EGFL6: variants seen among roughly 807,000 people sequenced by gnomAD.
EGFL6 encodes the protein EGF like domain multiple 6, also known as epidermal growth factor-like protein 6.
Under a neutral mutation model 43.1 loss-of-function variants are expected in EGFL6, and 42 were observed. The ratio of observed to expected loss-of-function variants is 0.98; its 90% confidence interval spans 0.76 to 1.26. The LOEUF is 1.26. Ranked by LOEUF, EGFL6 falls within the 50% of genes most tolerant of loss-of-function variation. The pLI is 0.00. For synonymous variants in EGFL6, 164 were observed against 163.2 expected (o/e 1.01, Z -0.04); for missense variants, 429 against 427.8 (o/e 1.00, Z -0.02).
At chrX:13,588,041 C>T (rs888986612) in intron 1 of EGFL6, among the ~76,000 whole-genome samples, 1 of 112,092 alleles carries the variant, frequency 8.9e-6, no homozygotes, top group Non-Finnish European at 1.9e-5. Context: ...CTCCCAACAA[C>T]AAACAATGAT....
At chrX:13,620,227 C>T (rs929391676) in intron 9 of EGFL6, among the ~76,000 whole-genome samples, 1 of 111,699 alleles carries the variant, frequency 9.0e-6, no homozygotes, top group Non-Finnish European at 1.9e-5. Flanking sequence ...TGACAAATTA[C>T]ACAGACCTCA....
intron 1 of EGFL6, among the ~76,000 whole-genome samples, chrX:13,570,148 G>C (rs753823067): frequency 2.3e-4 from 26 of 111,919 alleles, no homozygotes; most frequent in South Asian, 1.9e-3. Context: ...CACCTAGTTA[G>C]CTCCTTTTGC....
In EGFL6 at chrX:13,629,360, A is replaced by G. The variant is rs778257380; in HGVS notation, c.1551+2084A>G. ...CATGTTGACTGAATTCATGTGATGG[A>G]GAATATTTTTAATATAACATGGTAG... On this transcript the variant is annotated intron_variant, in intron 11 of 11. Coordinates refer to ENST00000361306, the MANE Select transcript of EGFL6 (RefSeq NM_015507.4). Among the ~76,000 whole-genome samples the G allele has an allele frequency of 9.8e-5, 11 of 111,962 alleles. No homozygotes were observed. The South Asian group carries it at 4.1e-3, about 42-fold the overall frequency.
rs1168555135 is a variant in EGFL6 at position 13,569,892 on chromosome X, C to T, written c.31C>T (p.Leu11=). 1.6e-6 allele frequency: 2 copies of T among 1,212,259 alleles called. No homozygotes were observed. Among genetic ancestry groups the T allele is most frequent in the South Asian group, 3.5e-5 (2 of 57,040 alleles). MPLPWSLALP[L]LLSWVAGGFG... ...TCTGCCCTGGAGCCTTGCGCTCCCG[C>T]TGCTGCTCTCCTGGGTGGCAGGTGG... Residue 11 remains leucine, a synonymous_variant, in exon 1 of 12, where the codon CTG becomes TTG. Transcript: ENST00000361306.
At chrX:13,608,555 C>T (rs909057761) in intron 7 of EGFL6, 109 bp downstream of exon 7, 2 of 925,530 alleles carry the variant, frequency 2.2e-6, no homozygotes, top group Middle Eastern at 2.8e-4. Context: ...CGCCTTCTCC[C>T]TCTCCCTTAC....
intron 5 of EGFL6, among the ~76,000 whole-genome samples, chrX:13,605,695 A>T (rs1253688318): frequency 8.9e-6 from 1 of 112,401 alleles, no homozygotes; most frequent in Non-Finnish European, 1.9e-5. Flanking sequence ...TCTGAAAGTT[A>T]AACCAAGCCT....
In EGFL6 at chrX:13,611,939, C is replaced by G. The variant is rs573512933; in HGVS notation, c.778+3493C>G. Among the ~76,000 whole-genome samples, 99 of 112,153 alleles carry G rather than the reference C, an allele frequency of 8.8e-4. 2 individuals carry two copies. The South Asian group carries it at 0.036, about 41-fold the overall frequency. ...ACCCTTTTCATTTTGCTTTAATTCTCTAATTCTCCATAAAATAAACAGCCA... is the reference window on the plus strand; with the variant it reads ...ACCCTTTTCATTTTGCTTTAATTCTGTAATTCTCCATAAAATAAACAGCCA... On this transcript the variant is annotated intron_variant, in intron 7 of 11. Coordinates refer to ENST00000361306, the MANE Select transcript of EGFL6 (RefSeq NM_015507.4).
intron 9 of EGFL6, among the ~76,000 whole-genome samples, chrX:13,620,490 C>T (rs1007698244): frequency 4.5e-5 from 5 of 110,326 alleles, no homozygotes; most frequent in Admixed American, 9.7e-5. Context: ...AGTTCTATCA[C>T]TTTGGTTTAC....
In EGFL6 at chrX:13,606,514, G is replaced by T. The variant is rs1213230867; in HGVS notation, c.655+1G>T. The T allele has an allele frequency of 8.3e-7, 1 of 1,207,087 alleles. No individual in the cohort carries two copies. The highest frequency in any genetic ancestry group is 1.7e-5 in the African/African-American group (1 of 57,214). ...ATCAGTGGACGATATGACTGTATAG[G>T]TAAGATTCGATGGCACCTTTTCCTT... On this transcript the variant is annotated splice_donor_variant, in intron 6 of 11. Transcript: ENST00000361306. LOFTEE classifies it high-confidence loss of function.
chrX:13,586,460 G>C (rs1416315269), intron 1 of EGFL6, among the ~76,000 whole-genome samples: 1 of 111,626 alleles, frequency 9.0e-6, no homozygotes, highest in Non-Finnish European at 1.9e-5. Context: ...CTGAAGGCTG[G>C]AATTCCAAGA....
intron 1 of EGFL6, among the ~76,000 whole-genome samples, chrX:13,576,179 T>C (rs1292596075): frequency 8.9e-6 from 1 of 112,278 alleles, no homozygotes; most frequent in Non-Finnish European, 1.9e-5. Flanking sequence ...GGCTTCTGCC[T>C]CTGGTGAGGC....
chrX:13,627,918 T>TA (rs1351806997), intron 11 of EGFL6, among the ~76,000 whole-genome samples: 1 of 112,043 alleles, frequency 8.9e-6, no homozygotes, highest in Non-Finnish European at 1.9e-5. Context: ...TGATGACACT[T>TA]ACAAAGTATT....
intron 1 of EGFL6, among the ~76,000 whole-genome samples, chrX:13,588,992 C>T (rs754737511): frequency 1.1e-4 from 12 of 112,041 alleles, no homozygotes; most frequent in Non-Finnish European, 2.3e-4. Flanking sequence ...TGGGAACGAG[C>T]CCTGGGCTAG....
At chrX:13,621,957 A>G (rs1231521012) in intron 9 of EGFL6, among the ~76,000 whole-genome samples, 1 of 112,218 alleles carries the variant, frequency 8.9e-6, no homozygotes, top group Non-Finnish European at 1.9e-5. Context: ...CATCATCCCA[A>G]TTTACACACT....
At chrX:13,604,325 A>G (rs892191438) in intron 5 of EGFL6, among the ~76,000 whole-genome samples, 5 of 111,562 alleles carry the variant, frequency 4.5e-5, no homozygotes, top group Non-Finnish European at 9.4e-5. Context: ...TCTGATGAGC[A>G]GGTTAAATGA....
At chrX:13,593,856 G>T (rs1436293867) in intron 2 of EGFL6, among the ~76,000 whole-genome samples, 1 of 111,182 alleles carries the variant, frequency 9.0e-6, no homozygotes, top group Non-Finnish European at 1.9e-5. Flanking sequence ...AGGGAAAGAT[G>T]CTGGTATCTT....
intron 1 of EGFL6, 109 bp from the exon 2 acceptor site, chrX:13,589,447 C>A: frequency 1.6e-6 from 1 of 607,330 alleles, no homozygotes; most frequent in Non-Finnish European, 2.4e-6. Context: ...ACTGCGGGTT[C>A]GTTGAAATTA....
chrX:13,594,865 G>A lies in EGFL6; in HGVS notation c.217G>A (p.Glu73Lys). The change falls in exon 3 of 12, where the codon GAG becomes AAG. Residue 73 changes from glutamate (E) to lysine (K), a missense_variant. Transcript: ENST00000361306. ...ATCEPGCKFGECVGPNKCRCF... is the reference protein window; with the variant it reads ...ATCEPGCKFGKCVGPNKCRCF... The stretch of plus-strand genomic sequence containing the variant: ...ATGCGAACCTGGATGTAAGTTTGGT[G>A]AGTGCGTGGGACCAAACAAATGCAG... 2 of 1,210,722 alleles carry A rather than the reference G, an allele frequency of 1.7e-6. No homozygotes were observed. The highest frequency in any genetic ancestry group is 2.3e-4 in the Middle Eastern group (1 of 4,346).
intron 11 of EGFL6, among the ~76,000 whole-genome samples, chrX:13,631,800 A>G (rs1354169309): frequency 9.0e-6 from 1 of 110,917 alleles, no homozygotes; most frequent in Non-Finnish European, 1.9e-5. Flanking sequence ...AAAAATAAAT[A>G]TAAATATAAA....
Sources: allele counts gnomAD v4.1 joint callset (sites outside exome capture counted in the v4.1 genomes callset), GRCh38; gene constraint gnomAD v4.1.1; transcripts MANE v1.5; gene names NCBI Gene and HGNC (gene_info 2026-07-23, HGNC 2026-07-21).